PCDHA1: variants seen among roughly 807,000 people sequenced by gnomAD.
The protein encoded by PCDHA1 is protocadherin alpha 1.
PCDHA1 carries 42 observed loss-of-function variants against 61.3 expected under a neutral mutation model. The observed-to-expected ratio is 0.69, with a 90% CI of 0.54 to 0.89. The LOEUF (loss-of-function observed/expected upper bound fraction) is 0.89, where lower values mean the gene tolerates loss of function less well. PCDHA1 is among the 40% of genes least tolerant of loss of function. The pLI is 0.00. For synonymous variants in PCDHA1, 610 were observed against 553.8 expected (o/e 1.10, Z -1.43); for missense variants, 1,256 against 1,235.3 (o/e 1.02, Z -0.25).
chr5:140,952,101 A>G (rs1451958490), intron 1 of PCDHA1, among the ~76,000 whole-genome samples: 1 of 151,950 alleles, frequency 6.6e-6, no homozygotes, highest in African/African-American at 2.4e-5. Flanking sequence ...TCCAGGGCAC[A>G]CTCGTGTGAG....
rs1554117750 is a variant in PCDHA1 at position 140,787,272 on chromosome 5, C to A, written c.982C>A (p.Pro328Thr). The A allele has an allele frequency of 6.2e-7, 1 of 1,614,170 alleles. No individual in the cohort carries two copies. Among genetic ancestry groups the A allele is most frequent in the Admixed American group, 1.7e-5 (1 of 60,026 alleles). The change falls in exon 1 of 4, where the codon CCT becomes ACT. Residue 328 changes from proline (P) to threonine (T), a missense_variant. By Grantham distance (38) the Pro-to-Thr change is conservative. Coordinates refer to ENST00000504120, the MANE Select transcript of PCDHA1 (RefSeq NM_018900.4). ...AGTAAAGGCAGTTGATAAAGGAAGT[C>A]CTCCGATGTCAAATCACTGTAAGGT... ...IQVKAVDKGS[P>T]PMSNHCKVLV...
chr5:141,002,374 C>T (rs1228476890), intron 3 of PCDHA1, among the ~76,000 whole-genome samples: 1 of 152,220 alleles, frequency 6.6e-6, no homozygotes, highest in Non-Finnish European at 1.5e-5. Context: ...CTCATTCTGG[C>T]TTAGGGCTCC....
At chr5:140,825,083 T>C (rs1251888987) in intron 1 of PCDHA1, 2 of 151,882 alleles carry the variant, frequency 1.3e-5, no homozygotes, top group Admixed American at 6.6e-5. Flanking sequence ...TCTGGTATCC[T>C]TCTAGAGATT....
chr5:140,881,353 G>A (rs537796043), intron 1 of PCDHA1: 1 of 985,178 alleles, frequency 1.0e-6, no homozygotes, highest in East Asian at 1.1e-4. Flanking sequence ...GCTACAATGC[G>A]TGGCTTTCGT....
intron 1 of PCDHA1, chr5:140,803,398 C>T (rs781917643): frequency 1.9e-6 from 3 of 1,614,198 alleles, no homozygotes; most frequent in Non-Finnish European, 2.5e-6. Flanking sequence ...GACTGTGGGC[C>T]GGGCAAGCCC....
intron 1 of PCDHA1, chr5:140,796,005 A>T (rs781838822): frequency 1.2e-6 from 2 of 1,614,176 alleles, no homozygotes; most frequent in Admixed American, 1.7e-5. Flanking sequence ...ATGATAACAC[A>T]CCAGAAGTCT....
intron 1 of PCDHA1, chr5:140,797,234 G>C: frequency 6.2e-7 from 1 of 1,614,228 alleles, no homozygotes; most frequent in African/African-American, 1.3e-5. Flanking sequence ...AGGCGGCAGA[G>C]GGTGTGCTCT....
intron 2 of PCDHA1, among the ~76,000 whole-genome samples, chr5:140,980,627 T>C (rs1482574235): frequency 6.6e-6 from 1 of 151,860 alleles, no homozygotes; most frequent in African/African-American, 2.4e-5. Context: ...AGACTCTGTC[T>C]CAGAAGAATA....
In PCDHA1 at chr5:140,850,262, A is replaced by G. The variant is rs2150476444; in HGVS notation, c.2394+61578A>G. 32 of 1,594,296 alleles carry G rather than the reference A, an allele frequency of 2.0e-5. 1 individual carries two copies. The highest frequency in any genetic ancestry group is 2.7e-5 in the African/African-American group (2 of 74,230). On this transcript the variant is annotated intron_variant, in intron 1 of 3. Transcript: ENST00000504120. ...TGCTGCGGTCGGTGGGCGCCGGCGT[A>G]GTGGTGGGGAAGGTGCGCGCAGTGG...
chr5:140,858,039 T>C lies in PCDHA1; in HGVS notation c.2394+69355T>C, dbSNP rs782597618. On this transcript the variant is annotated intron_variant, in intron 1 of 3. Transcript: ENST00000504120. ...CCGTCGCTGACGGCCACGGCCACTG[T>C]GCTTGTGTCGCTTGTGGAGGGCAGC... 1.1e-5 allele frequency: 18 copies of C among 1,596,560 alleles called. 2 individuals are homozygous for C. The highest frequency in any genetic ancestry group is 5.5e-5 in the South Asian group (5 of 90,506).
At chr5:140,822,806 A>C in intron 1 of PCDHA1, 2 of 1,614,176 alleles carry the variant, frequency 1.2e-6, no homozygotes, top group Non-Finnish European at 1.7e-6. Context: ...GATGTGAATG[A>C]TAATACCCCA....
chr5:140,843,320 G>GGAC, intron 1 of PCDHA1: 1 of 1,596,056 alleles, frequency 6.3e-7, no homozygotes, highest in Non-Finnish European at 8.6e-7. Context: ...CACGGTTCTG[G>GGAC]TGTCGCTGGT....
At chr5:140,824,207 A>C (rs2150133206) in intron 1 of PCDHA1, 34 of 1,587,454 alleles carry the variant, frequency 2.1e-5, no homozygotes, top group Non-Finnish European at 1.8e-5. Context: ...CTTTTTTTGT[A>C]TTTAAAAATT....
intron 1 of PCDHA1, chr5:140,824,637 T>TTC (rs1768307351): frequency 1.4e-5 from 2 of 145,312 alleles, no homozygotes; most frequent in Non-Finnish European, 2.9e-5. Context: ...TTTTTTATTT[T>TTC]CTGTAGAGAT....
intron 1 of PCDHA1, among the ~76,000 whole-genome samples, chr5:140,957,852 A>T (rs968818783): frequency 6.6e-6 from 1 of 151,658 alleles, no homozygotes. Flanking sequence ...GAGTTTGTGT[A>T]TTTTTTTTCC....
chr5:140,820,815 A>G (rs1554127928), intron 1 of PCDHA1, among the ~76,000 whole-genome samples: 1 of 152,112 alleles, frequency 6.6e-6, no homozygotes, highest in Non-Finnish European at 1.5e-5. Context: ...ACAATTTTTA[A>G]TAATTGCTTT....
chr5:140,841,274 C>G, intron 1 of PCDHA1: 28 of 1,518,248 alleles, frequency 1.8e-5, no homozygotes, highest in Non-Finnish European at 1.7e-5. Flanking sequence ...TACAGTCGTT[C>G]ATCTTTATAT....
chr5:140,787,695 C>A lies in PCDHA1; in HGVS notation c.1405C>A (p.Pro469Thr). The change falls in exon 1 of 4, where the codon CCG becomes ACG. Residue 469 changes from proline to threonine, a missense_variant. Transcript: ENST00000504120. The part of the protein sequence containing the change: ...EYTVFVKENN[P>T]PGCHIFTVSA... ...CACAGTATTCGTGAAGGAGAACAAC[C>A]CGCCGGGCTGCCACATCTTCACGGT... 1 of 1,613,864 alleles carries A rather than the reference C, an allele frequency of 6.2e-7. No individual in the cohort carries two copies. The highest frequency in any genetic ancestry group is 8.5e-7 in the Non-Finnish European group (1 of 1,179,910).
chr5:140,850,309 C>A, intron 1 of PCDHA1: 1 of 1,597,088 alleles, frequency 6.3e-7, no homozygotes, highest in Non-Finnish European at 8.6e-7. Context: ...GGCTACAACG[C>A]GTGGCTTTCA....
Sources: allele counts gnomAD v4.1 joint callset (sites outside exome capture counted in the v4.1 genomes callset), GRCh38; gene constraint gnomAD v4.1.1; transcripts MANE v1.5; gene names NCBI Gene and HGNC (gene_info 2026-07-23, HGNC 2026-07-21).